Variants in CHD3 observed in about 807,000 individuals in gnomAD.
The protein encoded by CHD3 is chromodomain helicase DNA binding protein 3, also known as ATP-dependent chromatin remodeler CHD3.
In CHD3, 52 loss-of-function variants were observed where a neutral mutation model predicts 248.9. That is an observed-to-expected ratio of 0.21 (90% confidence interval 0.17 to 0.26). CHD3 has a LOEUF of 0.26. CHD3 is among the 10% of genes least tolerant of loss of function. The probability of loss-of-function intolerance (pLI) is 1.00; values close to 1 mark genes in which losing one functional copy is unlikely to be tolerated. For synonymous variants in CHD3, 985 were observed against 985.2 expected (o/e 1.00, Z 0.00); for missense variants, 1,482 against 2,605.8 (o/e 0.57, Z 9.39).
In CHD3 at chr17:7,909,832, C is replaced by T. The variant is rs940501623; in HGVS notation, c.5590+494C>T. ...TTGACCTTCGACCTTTCCTCCTACC[C>T]CCTCTCACCTTGCCATTGATAGAGA... On this transcript the variant is annotated intron_variant, in intron 37 of 39. Transcript: ENST00000330494. The surrounding 1 kb of genome is among the most constrained non-coding windows in gnomAD (Gnocchi z 8.1). The T allele has an allele frequency of 2.7e-5, 5 of 182,500 alleles. No individual in the cohort carries two copies. The highest frequency in any genetic ancestry group is 1.2e-4 in the African/African-American group (5 of 41,712). The allele number at this position is 182,500 out of a possible 1,614,324, so 11.3% of individuals were successfully genotyped here.
Position 7,899,691 on chromosome 17 carries a change from T to C in CHD3, c.2544+148T>C. ...TCTCTGCACTACCATCCTAGAGATA[T>C]GGCAGGTACTCCCAGGGGCATACAT... On this transcript the variant is annotated intron_variant, in intron 15 of 39. Coordinates refer to ENST00000330494, the MANE Select transcript of CHD3 (RefSeq NM_001005273.3). The surrounding 1 kb of genome is among the most constrained non-coding windows in gnomAD (Gnocchi z 6.8). 2 of 1,005,244 alleles carry C rather than the reference T, an allele frequency of 2.0e-6. No individual in the cohort carries two copies. Among genetic ancestry groups the C allele is most frequent in the Non-Finnish European group, 1.5e-6 (1 of 674,420 alleles). The allele number at this position is 1,005,244 out of a possible 1,614,324, so 62.3% of individuals were successfully genotyped here.
chr17:7,893,851 A>G lies in CHD3; in HGVS notation c.840A>G (p.Gly280=), dbSNP rs774537067. ...RRSKSPRVPD[G]RKKLRGKKMA... Reference sequence around the variant, plus strand: ...GTAAGAGCCCCCGAGTGCCTGATGGACGCAAGAAGCTTCGGGGAAAGAAAA... The same window carrying G: ...GTAAGAGCCCCCGAGTGCCTGATGGGCGCAAGAAGCTTCGGGGAAAGAAAA... The change falls in exon 6 of 40, where the codon GGA becomes GGG. Residue 280 remains glycine (G), a synonymous_variant. Transcript: ENST00000330494. The G allele has an allele frequency of 1.2e-6, 2 of 1,614,026 alleles. No homozygotes were observed. The highest frequency in any genetic ancestry group is 8.5e-7 in the Non-Finnish European group (1 of 1,179,992).
In CHD3 at chr17:7,907,951, A is replaced by G. The variant is rs1423167462; in HGVS notation, c.5084A>G (p.Asn1695Ser). 2.5e-6 allele frequency: 4 copies of G among 1,613,056 alleles called. No homozygotes were observed. Among genetic ancestry groups the G allele is most frequent in the Non-Finnish European group, 3.4e-6 (4 of 1,179,312 alleles). ...RPGPRDEPRSNGRREEKTEKP... is the reference protein window; with the variant it reads ...RPGPRDEPRSSGRREEKTEKP... ...GGGCCTCGAGATGAGCCACGGTCCA[A>G]TGGGCGACGAGAGGAAAAGACAGAG... is the stretch of plus-strand genomic sequence containing the variant. The change falls in exon 34 of 40, where the codon AAT (asparagine) becomes AGT (serine). Residue 1695 changes from asparagine to serine, a missense_variant. Around this residue, in one of 20 missense-constraint regions of CHD3, gnomAD observed 254 missense variants for 266.7 expected, o/e 0.95. Transcript: ENST00000330494. This position sits in a 1 kb window ranked among gnomAD's most constrained non-coding sequence, Gnocchi z 4.3.
In CHD3 at chr17:7,895,125, G is replaced by A; in HGVS notation, c.1478G>A (p.Gly493Asp). The A allele has an allele frequency of 6.2e-7, 1 of 1,614,080 alleles. No individual in the cohort carries two copies. Among genetic ancestry groups the A allele is most frequent in the Non-Finnish European group, 8.5e-7 (1 of 1,180,000 alleles). ...LNPPLPDIPNGEWLCPRCTCP... is the reference protein window; with the variant it reads ...LNPPLPDIPNDEWLCPRCTCP... The stretch of plus-strand genomic sequence containing the variant: ...CCTCCCCTGCCTGACATTCCCAATG[G>A]TGAATGGCTGTGTCCCCGATGCACA... The change falls in exon 9 of 40, where the codon GGT becomes GAT. Residue 493 changes from glycine to aspartate, a missense_variant. Coordinates refer to ENST00000330494, the MANE Select transcript of CHD3 (RefSeq NM_001005273.3). The surrounding 1 kb of genome is among the most constrained non-coding windows in gnomAD (Gnocchi z 4.9).
Position 7,898,403 on chromosome 17 carries a change from A to G in CHD3, c.2052-93A>G. On this transcript the variant is annotated intron_variant, in intron 12 of 39. Coordinates refer to ENST00000330494, the MANE Select transcript of CHD3 (RefSeq NM_001005273.3). ...AAGGAAATATGGGAAAATCTAGGTC[A>G]TGGACAGTGGGAAGTAGGTCTGGAA... 5 of 967,844 alleles carry G rather than the reference A, an allele frequency of 5.2e-6. No individual in the cohort carries two copies. The South Asian group carries it at 7.6e-5, about 15-fold the overall frequency. 60.0% of individuals were successfully genotyped at this position (967,844 alleles called of 1,614,324 possible).
Position 7,900,624 on chromosome 17 carries a change from T to C in CHD3, c.2871T>C (p.His957=). 6.2e-7 allele frequency: 1 copy of C among 1,614,142 alleles called. No homozygotes were observed. The highest frequency in any genetic ancestry group is 1.3e-5 in the African/African-American group (1 of 75,020). The change falls in exon 18 of 40, where the codon CAT becomes CAC. Residue 957 remains histidine (H), a synonymous_variant. Transcript: ENST00000330494. The surrounding 1 kb of genome is among the most constrained non-coding windows in gnomAD (Gnocchi z 6.5). ...AAGAGGACCAGATCAAGAAACTGCATGATTTGCTGGGGCCACACATGCTGC... is the reference window on the plus strand; with the variant it reads ...AAGAGGACCAGATCAAGAAACTGCACGATTTGCTGGGGCCACACATGCTGC... ...ISKEDQIKKL[H]DLLGPHMLRR... is the part of the protein sequence containing the mutation.
Position 7,905,055 on chromosome 17 carries a change from T to A in CHD3, c.4073-45T>A, listed in dbSNP as rs368825536. On this transcript the variant is annotated intron_variant, in intron 25 of 39. Coordinates refer to ENST00000330494, the MANE Select transcript of CHD3 (RefSeq NM_001005273.3). This position sits in a 1 kb window ranked among gnomAD's most constrained non-coding sequence, Gnocchi z 5.8. Reference sequence around the variant, plus strand: ...CAGAAAGGGCCTCAGCATGGGCATATCCCGAGAGCCCTCCCTGACCACTGG... The same window carrying A: ...CAGAAAGGGCCTCAGCATGGGCATAACCCGAGAGCCCTCCCTGACCACTGG... The A allele has an allele frequency of 7.6e-6, 12 of 1,569,142 alleles. No individual in the cohort carries two copies. In the Admixed American group the frequency reaches 2.0e-4, roughly 26 times the overall value.
Position 7,911,646 on chromosome 17 carries a change from C to G in CHD3, c.*61C>G, listed in dbSNP as rs767127555. 1 of 1,610,498 alleles carries G rather than the reference C, an allele frequency of 6.2e-7. No homozygotes were observed. The highest frequency in any genetic ancestry group is 1.1e-5 in the South Asian group (1 of 90,778). ...CCCCGAGGCCGACCCCCAGCTCAAG[C>G]GCTGGGGCCTGCTGCCAGCCCTCCA... On this transcript the variant is annotated 3_prime_UTR_variant, in exon 40 of 40. Transcript: ENST00000330494. The surrounding 1 kb of genome is among the most constrained non-coding windows in gnomAD (Gnocchi z 5.4).
Position 7,897,456 on chromosome 17 carries a change from C to G in CHD3, c.1919+162C>G, listed in dbSNP as rs546826554. 6.6e-6 allele frequency among the ~76,000 whole-genome samples: 1 copy of G among 152,156 alleles called. No homozygotes were observed. Among genetic ancestry groups the G allele is most frequent in the African/African-American group, 2.4e-5 (1 of 41,416 alleles). On this transcript the variant is annotated intron_variant, in intron 11 of 39. Transcript: ENST00000330494. The surrounding 1 kb of genome is among the most constrained non-coding windows in gnomAD (Gnocchi z 4.8). The stretch of plus-strand genomic sequence containing the variant: ...TCTGGCCTTGTTTCCTCCAGGGGAA[C>G]GGGAGAAAACAGGAGGAAAATCCGG...
At position 7,905,574 on chromosome 17, in the gene CHD3, T is replaced by C; in HGVS notation, c.4139-47T>C. The C allele has an allele frequency of 7.0e-7, 1 of 1,427,144 alleles. No homozygotes were observed. The highest frequency in any genetic ancestry group is 9.6e-7 in the Non-Finnish European group (1 of 1,045,644). The allele number at this position is 1,427,144 out of a possible 1,614,324, so 88.4% of individuals were successfully genotyped here. On this transcript the variant is annotated intron_variant, in intron 26 of 39. Coordinates refer to ENST00000330494, the MANE Select transcript of CHD3 (RefSeq NM_001005273.3). The surrounding 1 kb of genome is among the most constrained non-coding windows in gnomAD (Gnocchi z 5.8). The stretch of plus-strand genomic sequence containing the variant: ...ATGGGGTGCTAAGGAGGACTGAGGC[T>C]TAGAGGAGGTGGTGGCTCAGCTAAC...
In CHD3 at chr17:7,889,967, C is replaced by T. The variant is rs924690563; in HGVS notation, c.213+191C>T. 1.3e-5 allele frequency among the ~76,000 whole-genome samples: 2 copies of T among 152,220 alleles called. No homozygotes were observed. Among genetic ancestry groups the T allele is most frequent in the African/African-American group, 2.4e-5 (1 of 41,456 alleles). Reference sequence around the variant, plus strand: ...AGGGATCTGGGACCCTAACTTCATTCACTGCAACCTAGTGAAGAGCCTCGT... The same window carrying T: ...AGGGATCTGGGACCCTAACTTCATTTACTGCAACCTAGTGAAGAGCCTCGT... On this transcript the variant is annotated intron_variant, in intron 2 of 39. Transcript: ENST00000330494. The surrounding 1 kb of genome is among the most constrained non-coding windows in gnomAD (Gnocchi z 4.5).
upstream of CHD3, among the ~76,000 whole-genome samples, chr17:7,887,962 AG>A (rs1968225472): frequency 6.6e-6 from 1 of 152,214 alleles, no homozygotes; most frequent in Non-Finnish European, 1.5e-5. Context: ...TGGGGAGTAG[AG>A]TGAACCGGCT....
Position 7,903,489 on chromosome 17 carries a change from A to G in CHD3, c.3713A>G (p.Lys1238Arg). 1 of 1,613,714 alleles carries G rather than the reference A, an allele frequency of 6.2e-7. No homozygotes were observed. Residue 1238 changes from lysine to arginine, a missense_variant, in exon 23 of 40, where the codon AAG becomes AGG. Lys to Arg is a conservative substitution (Grantham distance 26). Coordinates refer to ENST00000330494, the MANE Select transcript of CHD3 (RefSeq NM_001005273.3). This position sits in a 1 kb window ranked among gnomAD's most constrained non-coding sequence, Gnocchi z 6.8. ...ILKFGTEELF[K>R]DENEGENKEE... ...AAATTTGGCACTGAAGAGCTATTCA[A>G]GGATGAAAACGAGGGTGAGAACCTT...
At chr17:7,898,712 C>T in intron 13 of CHD3, 117 bp downstream of exon 13, 2 of 815,074 alleles carry the variant, frequency 2.5e-6, no homozygotes, top group South Asian at 3.5e-5. Context: ...GTAGCTCTTC[C>T]TTCAGCATCC....
chr17:7,886,107 C>T (rs561948925), upstream of CHD3, among the ~76,000 whole-genome samples: 74 of 152,308 alleles, frequency 4.9e-4, no homozygotes, highest in Non-Finnish European at 8.5e-4. This position sits in a 1 kb window ranked among gnomAD's most constrained non-coding sequence, Gnocchi z 4.2. Flanking sequence ...GTCACTCACT[C>T]TCTCGCTGAA....
At position 7,899,877 on chromosome 17, in the gene CHD3, G is replaced by T. The variant is rs1970112341; in HGVS notation, c.2545-19G>T. The T allele has an allele frequency of 6.2e-7, 1 of 1,608,776 alleles. No individual in the cohort carries two copies. Among genetic ancestry groups the T allele is most frequent in the Non-Finnish European group, 8.5e-7 (1 of 1,176,942 alleles). On this transcript the variant is annotated intron_variant, in intron 15 of 39. Transcript: ENST00000330494. This position sits in a 1 kb window ranked among gnomAD's most constrained non-coding sequence, Gnocchi z 6.8. ...TGGTTGTCAGGTGGCAGCTGAATGG[G>T]CAATAATTATGTTGGCAGAGGGAGG...
At chr17:7,896,133 C>T (rs1447801541) in intron 10 of CHD3, among the ~76,000 whole-genome samples, 1 of 146,482 alleles carries the variant, frequency 6.8e-6, no homozygotes, top group African/African-American at 2.5e-5. Context: ...GAGGCTGAGA[C>T]AGGAGAATGG....
At position 7,903,274 on chromosome 17, in the gene CHD3, C is replaced by T; in HGVS notation, c.3498C>T (p.Ala1166=). 6.2e-7 allele frequency: 1 copy of T among 1,613,912 alleles called. No individual in the cohort carries two copies. Among genetic ancestry groups the T allele is most frequent in the African/African-American group, 1.3e-5 (1 of 75,044 alleles). Residue 1166 remains alanine, a splice_region_variant and synonymous_variant, in exon 23 of 40, where the codon GCC becomes GCT. Coordinates refer to ENST00000330494, the MANE Select transcript of CHD3 (RefSeq NM_001005273.3). The surrounding 1 kb of genome is among the most constrained non-coding windows in gnomAD (Gnocchi z 6.8). The part of the protein sequence containing the change: ...SDWNPHNDIQ[A]FSRAHRIGQA... ...GCCACTTTCTCTTGCCCCTGCAGGC[C>T]TTTAGCCGGGCTCATCGGATTGGCC...
At position 7,905,717 on chromosome 17, in the gene CHD3, G is replaced by A. The variant is rs1970844165; in HGVS notation, c.4224+11G>A. On this transcript the variant is annotated intron_variant, in intron 27 of 39. Transcript: ENST00000330494. The surrounding 1 kb of genome is among the most constrained non-coding windows in gnomAD (Gnocchi z 5.8). The stretch of plus-strand genomic sequence containing the variant: ...GGGGGCAACATTGAGGTGAGAGCTG[G>A]GCCCAGTGTTCCTGAGTTCTCCAAG... The A allele has an allele frequency of 6.2e-7, 1 of 1,612,598 alleles. No individual in the cohort carries two copies. Among genetic ancestry groups the A allele is most frequent in the African/African-American group, 1.3e-5 (1 of 74,866 alleles).
Sources: allele counts gnomAD v4.1 joint callset (sites outside exome capture counted in the v4.1 genomes callset), GRCh38; gene constraint gnomAD v4.1.1; regional missense constraint gnomAD v4.1.1; non-coding constraint Gnocchi (gnomAD v3.1); transcripts MANE v1.5; gene names NCBI Gene and HGNC (gene_info 2026-07-23, HGNC 2026-07-21).